The following PAPPA2 variants were observed in gnomAD, a reference collection of about 807,000 sequenced individuals.
PAPPA2 encodes the protein pappalysin 2, also known as pappalysin-2.
Under a neutral mutation model 176.4 loss-of-function variants are expected in PAPPA2, and 86 were observed. That is an observed-to-expected ratio of 0.49 (90% CI 0.41 to 0.58). The LOEUF (loss-of-function observed/expected upper bound fraction) is 0.58. Ranked by LOEUF, PAPPA2 falls within the 20% of genes least tolerant of loss-of-function variation. The pLI is 0.00. For missense variants in PAPPA2, 2,073 were observed against 2,256.9 expected, an observed-to-expected ratio of 0.92 and a Z score of 1.65; for synonymous variants, 809 against 852.2, an observed-to-expected ratio of 0.95 and a Z score of 0.88.
At chr1:176,727,609 A>G (rs918857788) in intron 12 of PAPPA2, among the ~76,000 whole-genome samples, 7 of 152,122 alleles carry the variant, frequency 4.6e-5, no homozygotes, top group African/African-American at 1.7e-4. Flanking sequence ...ATTTATAATC[A>G]TAGTTGGGGA....
At chr1:176,758,173 G>T (rs1296422988) in intron 14 of PAPPA2, among the ~76,000 whole-genome samples, 3 of 152,228 alleles carry the variant, frequency 2.0e-5, no homozygotes, top group African/African-American at 2.4e-5. Flanking sequence ...GTTTCCCTCA[G>T]ATGAGAATCT....
chr1:176,699,126 G>A lies in PAPPA2; in HGVS notation c.2773G>A (p.Glu925Lys), dbSNP rs191519115. 22 of 1,613,724 alleles carry A rather than the reference G, an allele frequency of 1.4e-5. No homozygotes were observed. The African/African-American group carries it at 1.5e-4, about 11-fold the overall frequency. The change falls in exon 8 of 23, where the codon GAG becomes AAG. Residue 925 changes from glutamate to lysine, a missense_variant. Coordinates refer to ENST00000367662, the MANE Select transcript of PAPPA2 (RefSeq NM_020318.3). ...VGPPDVDQPC[E>K]PSLQAWSPEV... is the part of the protein sequence containing the mutation. Reference sequence around the variant, plus strand: ...GCCTCCTGATGTGGATCAGCCCTGCGAGCCAAGCTTACAGGCCTGGAGCCC... The same window carrying A: ...GCCTCCTGATGTGGATCAGCCCTGCAAGCCAAGCTTACAGGCCTGGAGCCC...
chr1:176,631,637 G>A (rs529318352), intron 3 of PAPPA2, among the ~76,000 whole-genome samples: 1 of 152,300 alleles, frequency 6.6e-6, no homozygotes, highest in Non-Finnish European at 1.5e-5. Context: ...GATTGGATTT[G>A]ACAATATGGA....
chr1:176,829,672 T>C (rs1305389779), intron 21 of PAPPA2, among the ~76,000 whole-genome samples: 1 of 152,240 alleles, frequency 6.6e-6, no homozygotes, highest in Non-Finnish European at 1.5e-5. Flanking sequence ...CTCAGCTGCA[T>C]GTAATCTGTC....
intron 3 of PAPPA2, among the ~76,000 whole-genome samples, chr1:176,632,758 T>C (rs1260014707): frequency 6.6e-6 from 1 of 152,176 alleles, no homozygotes; most frequent in Non-Finnish European, 1.5e-5. Context: ...CAGCAGTCCT[T>C]GAGTTGCCTC....
At chr1:176,610,666 A>G (rs1356671121) in intron 3 of PAPPA2, among the ~76,000 whole-genome samples, 1 of 152,206 alleles carries the variant, frequency 6.6e-6, no homozygotes, top group Non-Finnish European at 1.5e-5. Context: ...AACCTGAAGC[A>G]CATACAAGGT....
intron 3 of PAPPA2, among the ~76,000 whole-genome samples, chr1:176,666,608 T>TGTGAGAGA (rs1553384532): frequency 1.1e-4 from 11 of 101,360 alleles, no homozygotes; most frequent in African/African-American, 1.8e-4. Flanking sequence ...TGTGTGTGTG[T>TGTGAGAGA]GAGAGAGAGA....
intron 21 of PAPPA2, among the ~76,000 whole-genome samples, chr1:176,837,947 G>A (rs887457982): frequency 6.6e-6 from 1 of 152,152 alleles, no homozygotes; most frequent in Non-Finnish European, 1.5e-5. Flanking sequence ...GTTGATTTTG[G>A]CAGGTTGAGG....
chr1:176,620,705 C>T (rs1005291307), intron 3 of PAPPA2, among the ~76,000 whole-genome samples: 19 of 152,288 alleles, frequency 1.2e-4, no homozygotes, highest in African/African-American at 4.6e-4. Context: ...TAATCTGTCT[C>T]ACCAGATAAT....
intron 4 of PAPPA2, among the ~76,000 whole-genome samples, chr1:176,684,730 A>G (rs1659753549): frequency 6.6e-6 from 1 of 152,216 alleles, no homozygotes. Flanking sequence ...TCTTGTGTAA[A>G]TCTGATCTAA....
At chr1:176,824,117 G>C (rs2102977063) in intron 21 of PAPPA2, among the ~76,000 whole-genome samples, 1 of 152,300 alleles carries the variant, frequency 6.6e-6, no homozygotes, top group African/African-American at 2.4e-5. Flanking sequence ...AGTACCGTGG[G>C]CTTGCCTCTT....
intron 1 of PAPPA2, among the ~76,000 whole-genome samples, chr1:176,515,932 TC>T (rs1648884214): frequency 6.6e-6 from 1 of 152,142 alleles, no homozygotes; most frequent in Non-Finnish European, 1.5e-5. Flanking sequence ...TCTCATTTAG[TC>T]CCCACAACAG....
At chr1:176,753,855 C>T (rs1036261639) in intron 14 of PAPPA2, among the ~76,000 whole-genome samples, 7 of 152,040 alleles carry the variant, frequency 4.6e-5, no homozygotes, top group African/African-American at 1.4e-4. Context: ...CCCTTGCTTT[C>T]TTGCCCAACT....
At chr1:176,705,997 A>G (rs554951488) in intron 9 of PAPPA2, among the ~76,000 whole-genome samples, 15 of 152,332 alleles carry the variant, frequency 9.8e-5, no homozygotes, top group Admixed American at 5.2e-4. Context: ...ATCATCAGCT[A>G]TTTTAAGCCT....
At chr1:176,576,856 G>C (rs1372005569) in intron 2 of PAPPA2, among the ~76,000 whole-genome samples, 1 of 152,122 alleles carries the variant, frequency 6.6e-6, no homozygotes, top group Non-Finnish European at 1.5e-5. Context: ...ATTTCAGCTT[G>C]ACTTCTGACA....
At chr1:176,627,620 A>G (rs1573153876) in intron 3 of PAPPA2, among the ~76,000 whole-genome samples, 2 of 152,188 alleles carry the variant, frequency 1.3e-5, no homozygotes, top group East Asian at 3.8e-4. Flanking sequence ...ACATTTTTGC[A>G]TTGTAATTTA....
intron 21 of PAPPA2, 54 bp downstream of exon 21, chr1:176,800,186 C>A: frequency 3.9e-6 from 6 of 1,551,564 alleles, no homozygotes; most frequent in Non-Finnish European, 5.3e-6. Context: ...GTGGATTTAA[C>A]TTATGGAGCT....
At chr1:176,787,913 A>G (rs1665011925) in intron 17 of PAPPA2, among the ~76,000 whole-genome samples, 1 of 151,964 alleles carries the variant, frequency 6.6e-6, no homozygotes, top group East Asian at 1.9e-4. Context: ...ATACAAAATT[A>G]GCCAGGTGTG....
In PAPPA2 at chr1:176,699,552, G is replaced by A. The variant is rs200821431; in HGVS notation, c.3199G>A (p.Val1067Met). The part of the protein sequence containing the change: ...RDPPFASGLP[V>M]VVTHSHRKFT... The stretch of plus-strand genomic sequence containing the variant: ...TCCCCCATTTGCCAGTGGTTTGCCC[G>A]TGGTGGTGACACATTCTCACAGGAA... Residue 1067 changes from valine (V) to methionine (M), a missense_variant, in exon 8 of 23, where the codon GTG becomes ATG. This residue lies in a region of PAPPA2 where 846 missense variants were observed against 857.9 expected (regional missense o/e 0.99). Coordinates refer to ENST00000367662, the MANE Select transcript of PAPPA2 (RefSeq NM_020318.3). 1.1e-5 allele frequency: 17 copies of A among 1,609,788 alleles called. No individual in the cohort carries two copies. Among genetic ancestry groups the A allele is most frequent in the African/African-American group, 8.0e-5 (6 of 74,958 alleles).
Sources: allele counts gnomAD v4.1 joint callset (sites outside exome capture counted in the v4.1 genomes callset), GRCh38; gene constraint gnomAD v4.1.1; regional missense constraint gnomAD v4.1.1; transcripts MANE v1.5; gene names NCBI Gene and HGNC (gene_info 2026-07-23, HGNC 2026-07-21).